Variants in WWC1 observed in about 807,000 individuals in gnomAD.
WWC1 encodes the protein protein KIBRA.
A neutral mutation model predicts 138.4 loss-of-function variants in WWC1; 55 were observed. That is an observed-to-expected ratio of 0.40 (90% CI 0.32 to 0.50). WWC1 has a LOEUF of 0.50. Ranked by LOEUF, WWC1 falls within the 20% of genes least tolerant of loss-of-function variation. The probability of loss-of-function intolerance (pLI) is 0.72; values close to 1 mark genes in which losing one functional copy is unlikely to be tolerated. For synonymous variants in WWC1, 524 were observed against 564.9 expected (o/e 0.93, Z 1.03); for missense variants, 1,226 against 1,420.4 (o/e 0.86, Z 2.20).
intron 15 of WWC1, among the ~76,000 whole-genome samples, chr5:168,438,249 C>T (rs529044633): frequency 2.0e-5 from 3 of 152,216 alleles, no homozygotes; most frequent in African/African-American, 7.2e-5. Context: ...TGAATTGTAG[C>T]CCCCATAATC....
chr5:168,311,245 A>G (rs1343789675), intron 1 of WWC1, among the ~76,000 whole-genome samples: 4 of 152,060 alleles, frequency 2.6e-5, no homozygotes, highest in African/African-American at 7.2e-5. Context: ...CCCTACTTCC[A>G]GCAGGAAGGG....
At chr5:168,360,177 C>G (rs1775780033) in intron 1 of WWC1, among the ~76,000 whole-genome samples, 1 of 152,186 alleles carries the variant, frequency 6.6e-6, no homozygotes, top group African/African-American at 2.4e-5. Flanking sequence ...GCAGTGACAG[C>G]TCCATCAGGA....
intron 1 of WWC1, among the ~76,000 whole-genome samples, chr5:168,335,360 C>T (rs1017021991): frequency 2.0e-5 from 3 of 152,220 alleles, no homozygotes; most frequent in Non-Finnish European, 4.4e-5. Flanking sequence ...GCGGCTCACA[C>T]CTGTAATCCT....
At chr5:168,297,581 G>A (rs1042809651) in intron 1 of WWC1, among the ~76,000 whole-genome samples, 4 of 146,084 alleles carry the variant, frequency 2.7e-5, no homozygotes, top group East Asian at 2.0e-4. Context: ...AGCCAAGATC[G>A]CGCCATTGCA....
rs965770724 is a variant in WWC1, at chr5:168,308,021, C to T, written c.119+15750C>T. ...TGCCTTTGACTGTTTGGTGCCTGAA[C>T]GGCCTGTGGGCTTGGTCTGCAGCAT... On this transcript the variant is annotated intron_variant, in intron 1 of 22. Coordinates refer to ENST00000265293, the MANE Select transcript of WWC1 (RefSeq NM_015238.3). 3.9e-5 allele frequency among the ~76,000 whole-genome samples: 6 copies of T among 152,148 alleles called. No individual in the cohort carries two copies. In the East Asian group the frequency reaches 5.8e-4, roughly 15 times the overall value.
At chr5:168,434,836 AGCCCGGG>A (rs1358663094) in intron 15 of WWC1, among the ~76,000 whole-genome samples, 1 of 152,156 alleles carries the variant, frequency 6.6e-6, no homozygotes, top group Non-Finnish European at 1.5e-5. Context: ...AATGCCACCC[AGCCCGGG>A]CTCTCTCGAG....
Position 168,424,077 on chromosome 5 carries a change from CACCAT to C in WWC1, c.1810+13_1810+17del. The stretch of plus-strand genomic sequence containing the variant: ...CAAGCAGCTGGGCCAAGGTAGAGAG[CACCAT>C]ACCCAGAGGGTGGGAACCAGGAGGA... On this transcript the variant is annotated intron_variant, in intron 11 of 22. Transcript: ENST00000265293. The C allele has an allele frequency of 6.4e-7, 1 of 1,574,598 alleles. No homozygotes were observed. The highest frequency in any genetic ancestry group is 8.6e-7 in the Non-Finnish European group (1 of 1,161,248).
intron 17 of WWC1, among the ~76,000 whole-genome samples, 171 bp from the exon 18 acceptor site, chr5:168,453,797 C>T (rs544796913): frequency 3.3e-5 from 5 of 152,136 alleles, no homozygotes; most frequent in Non-Finnish European, 2.9e-5. Flanking sequence ...CTGCCTGCCT[C>T]GGCCTCCCAA....
intron 3 of WWC1, among the ~76,000 whole-genome samples, chr5:168,394,493 A>G (rs1484468400): frequency 6.6e-6 from 1 of 152,076 alleles, no homozygotes; most frequent in Admixed American, 6.5e-5. Context: ...TGGGGGGCCG[A>G]GGCGGGTGGA....
intron 1 of WWC1, among the ~76,000 whole-genome samples, chr5:168,368,999 G>T (rs76913767): frequency 6.6e-6 from 1 of 152,176 alleles, no homozygotes; most frequent in East Asian, 1.9e-4. Flanking sequence ...ATGGTAGTTT[G>T]TGTTTTCCCG....
chr5:168,357,493 TGC>T (rs374080598), intron 1 of WWC1, among the ~76,000 whole-genome samples: 156 of 119,802 alleles, frequency 1.3e-3, no homozygotes, highest in East Asian at 5.2e-3. Context: ...TGTGTGTGTG[TGC>T]GCGCGCGCAC....
intron 1 of WWC1, among the ~76,000 whole-genome samples, chr5:168,300,581 G>GAA (rs111744543): frequency 4.7e-4 from 64 of 137,200 alleles, no homozygotes; most frequent in African/African-American, 1.4e-3. Context: ...TGGTCAGCCA[G>GAA]AAAAAAAAAA....
intron 14 of WWC1, among the ~76,000 whole-genome samples, chr5:168,430,510 A>G (rs914362940): frequency 6.6e-6 from 1 of 152,022 alleles, no homozygotes; most frequent in African/African-American, 2.4e-5. Context: ...TGGGGTGGTG[A>G]GCAGATCCTT....
intron 1 of WWC1, among the ~76,000 whole-genome samples, chr5:168,360,951 T>C (rs1775835290): frequency 1.3e-5 from 2 of 152,204 alleles, no homozygotes; most frequent in Non-Finnish European, 1.5e-5. Context: ...GGAAGAGCCC[T>C]TGGGAACCCA....
intron 11 of WWC1, among the ~76,000 whole-genome samples, chr5:168,427,548 A>ATTTTTTTTTTTTTTTTTTTTTTT (rs34177139): frequency 9.9e-6 from 1 of 101,148 alleles, no homozygotes. Context: ...CTTTTTTTTA[A>ATTTTTTTTTTTTTTTTTTTTTTT]TTTTTTTTTT....
chr5:168,307,795 A>G (rs1176479250), intron 1 of WWC1, among the ~76,000 whole-genome samples: 3 of 151,950 alleles, frequency 2.0e-5, no homozygotes, highest in East Asian at 3.9e-4. Context: ...TAGTAGAGTC[A>G]GAAGTGGGTT....
intron 1 of WWC1, among the ~76,000 whole-genome samples, chr5:168,310,468 A>C (rs896638545): frequency 1.3e-5 from 2 of 151,658 alleles, no homozygotes; most frequent in Non-Finnish European, 2.9e-5. Context: ...AAAGATATAG[A>C]AATTGTACAT....
At chr5:168,381,736 G>C (rs540612994) in intron 2 of WWC1, among the ~76,000 whole-genome samples, 3 of 150,290 alleles carry the variant, frequency 2.0e-5, no homozygotes, top group Non-Finnish European at 4.4e-5. Flanking sequence ...TGTTCTTCGG[G>C]GGGTGGGGTG....
rs546454050 is a variant in WWC1 at position 168,411,027 on chromosome 5, G to A, written c.941+1032G>A. On this transcript the variant is annotated intron_variant, in intron 8 of 22. Coordinates refer to ENST00000265293, the MANE Select transcript of WWC1 (RefSeq NM_015238.3). ...TGCAAGCTCCGCCTCCCGGGTTCAC[G>A]CCATTCTCCTGCCTCAGCCTCCCGA... Among the ~76,000 whole-genome samples, 13 of 142,770 alleles carry A rather than the reference G, an allele frequency of 9.1e-5. 1 individual carries two copies. In the South Asian group the frequency reaches 1.4e-3, roughly 15 times the overall value. The allele number at this position is 142,770 out of a possible 152,430, so 93.7% of individuals were successfully genotyped here. A position where few individuals can be genotyped will look rare whatever the true frequency, so the allele number is the denominator to read the frequency against.
Sources: allele counts gnomAD v4.1 joint callset (sites outside exome capture counted in the v4.1 genomes callset), GRCh38; gene constraint gnomAD v4.1.1; transcripts MANE v1.5; gene names NCBI Gene and HGNC (gene_info 2026-07-23, HGNC 2026-07-21).